NPR3: variants seen among roughly 807,000 people sequenced by gnomAD.
The protein encoded by NPR3 is atrial natriuretic peptide receptor 3.
In NPR3, 34 loss-of-function variants were observed where a neutral mutation model predicts 54.5. The ratio of observed to expected loss-of-function variants is 0.62; its 90% CI spans 0.47 to 0.83. The LOEUF is 0.83. Among genes scored for constraint, NPR3 ranks in the 40% least tolerant of loss-of-function variants. The pLI is 0.00. For synonymous variants in NPR3, 289 were observed against 297.1 expected, an observed-to-expected ratio of 0.97 and a Z score of 0.28; for missense variants, 674 against 720.8, an observed-to-expected ratio of 0.94 and a Z score of 0.74.
chr5:32,768,571 C>T lies in NPR3; in HGVS notation c.1060-6137C>T, dbSNP rs999628579. Reference sequence around the variant, plus strand: ...GAGGTGTGCTTATGCCTCTGGATTCCGTGTGCCAGCTGTGTGACCCTCTGT... The same window carrying T: ...GAGGTGTGCTTATGCCTCTGGATTCTGTGTGCCAGCTGTGTGACCCTCTGT... On this transcript the variant is annotated intron_variant, in intron 3 of 7. Transcript: ENST00000265074. 3.9e-5 allele frequency among the ~76,000 whole-genome samples: 6 copies of T among 152,196 alleles called. No individual in the cohort carries two copies. The East Asian group carries it at 7.7e-4, about 20-fold the overall frequency.
intron 2 of NPR3, among the ~76,000 whole-genome samples, chr5:32,732,282 A>G (rs1206393228): frequency 1.4e-5 from 2 of 141,284 alleles, no homozygotes; most frequent in Non-Finnish European, 3.1e-5. Flanking sequence ...AAAAAAATCC[A>G]TTCTCAAGAT....
chr5:32,774,185 A>G (rs1202074374), intron 3 of NPR3, among the ~76,000 whole-genome samples: 1 of 152,236 alleles, frequency 6.6e-6, no homozygotes, highest in Admixed American at 6.5e-5. Context: ...GCAGACAGGC[A>G]GAAGTTGCAA....
intron 1 of NPR3, among the ~76,000 whole-genome samples, chr5:32,718,012 C>A (rs1044862681): frequency 6.6e-6 from 1 of 152,126 alleles, no homozygotes; most frequent in African/African-American, 2.4e-5. Flanking sequence ...AGTCTTTAAT[C>A]CATCTTGAAT....
rs1051051890 is a variant in NPR3 at position 32,711,540 on chromosome 5, C to G, written c.-237C>G. 1.4e-6 allele frequency: 1 copy of G among 730,168 alleles called. No individual in the cohort carries two copies. The highest frequency in any genetic ancestry group is 2.6e-5 in the African/African-American group (1 of 38,766). 45.2% of individuals were successfully genotyped at this position (730,168 alleles called of 1,614,324 possible). A position where few individuals can be genotyped will look rare whatever the true frequency, so the allele number is the denominator to read the frequency against. On this transcript the variant is annotated 5_prime_UTR_variant, in exon 1 of 8. Transcript: ENST00000265074. ...ATATTACAGACGCACAGGTTTACAC[C>G]CGGTGAACTTTTTCTTTTTCTTTTT...
intron 1 of NPR3, among the ~76,000 whole-genome samples, chr5:32,720,957 A>G (rs968172653): frequency 6.6e-6 from 1 of 152,240 alleles, no homozygotes; most frequent in African/African-American, 2.4e-5. Flanking sequence ...TTGATGAAAC[A>G]TAAGCAGGAA....
intron 3 of NPR3, among the ~76,000 whole-genome samples, chr5:32,749,099 T>C (rs1740444966): frequency 6.6e-6 from 1 of 152,164 alleles, no homozygotes; most frequent in Non-Finnish European, 1.5e-5. Context: ...GTGCATGCTT[T>C]CATCAGTTGT....
At chr5:32,767,398 G>A (rs1199980128) in intron 3 of NPR3, among the ~76,000 whole-genome samples, 2 of 152,176 alleles carry the variant, frequency 1.3e-5, no homozygotes, top group Non-Finnish European at 2.9e-5. Flanking sequence ...GTTTTGTAAG[G>A]TGCAACAGAA....
intron 1 of NPR3, among the ~76,000 whole-genome samples, chr5:32,702,064 C>G (rs1017502311): frequency 1.3e-5 from 2 of 152,112 alleles, no homozygotes; most frequent in Non-Finnish European, 2.9e-5. Flanking sequence ...CCCTGAGGCT[C>G]TACAATTAAC....
At chr5:32,740,435 G>T (rs930023744) in intron 3 of NPR3, among the ~76,000 whole-genome samples, 1 of 152,008 alleles carries the variant, frequency 6.6e-6, no homozygotes, top group Non-Finnish European at 1.5e-5. Context: ...GACATACAAA[G>T]GTTCTTATAA....
chr5:32,742,061 G>A (rs1300190964), intron 3 of NPR3, among the ~76,000 whole-genome samples: 1 of 151,838 alleles, frequency 6.6e-6, no homozygotes, highest in African/African-American at 2.4e-5. Flanking sequence ...GCCTGTAGGA[G>A]TCTGGGGTCT....
intron 2 of NPR3, among the ~76,000 whole-genome samples, chr5:32,734,704 CTG>C (rs1167496684): frequency 3.9e-5 from 6 of 152,248 alleles, no homozygotes; most frequent in African/African-American, 1.2e-4. Context: ...ATGTTCTAGT[CTG>C]TGCAGCCCAA....
At chr5:32,731,168 C>A (rs1175767648) in intron 2 of NPR3, among the ~76,000 whole-genome samples, 4 of 152,224 alleles carry the variant, frequency 2.6e-5, no homozygotes, top group African/African-American at 9.6e-5. Flanking sequence ...GTTTGGACAA[C>A]TTTTTAACAC....
Position 32,780,727 on chromosome 5 carries a change from G to A in NPR3, c.1201G>A (p.Ala401Thr), listed in dbSNP as rs745361797. 28 of 1,500,416 alleles carry A rather than the reference G, an allele frequency of 1.9e-5. No homozygotes were observed. The highest frequency in any genetic ancestry group is 2.3e-5 in the South Asian group (2 of 88,776). The allele number at this position is 1,500,416 out of a possible 1,614,324, so 92.9% of individuals were successfully genotyped here. A position where few individuals can be genotyped will look rare whatever the true frequency, so the allele number is the denominator to read the frequency against. The change falls in exon 5 of 8, where the codon GCC becomes ACC. Residue 401 changes from alanine to threonine, a missense_variant. Ala to Thr is a moderately conservative substitution (Grantham distance 58, BLOSUM62 0). Coordinates refer to ENST00000265074, the MANE Select transcript of NPR3 (RefSeq NM_001204375.2). ...QTWNRTFEGIAGQVSIDANGD... is the reference protein window; with the variant it reads ...QTWNRTFEGITGQVSIDANGD... ...CTTCGCTTCTGGTCCTGTAGGTATCGCCGGGCAGGTGTCCATAGATGCCAA... is the reference window on the plus strand; with the variant it reads ...CTTCGCTTCTGGTCCTGTAGGTATCACCGGGCAGGTGTCCATAGATGCCAA...
chr5:32,720,947 T>C (rs1738825902), intron 1 of NPR3, among the ~76,000 whole-genome samples: 1 of 152,198 alleles, frequency 6.6e-6, no homozygotes, highest in South Asian at 2.1e-4. Context: ...ATTATATAAA[T>C]TGATGAAACA....
At chr5:32,753,177 T>C (rs1244445888) in intron 3 of NPR3, among the ~76,000 whole-genome samples, 1 of 152,016 alleles carries the variant, frequency 6.6e-6, no homozygotes, top group Non-Finnish European at 1.5e-5. Context: ...GTAGTCACTG[T>C]TTTTTTTCCA....
chr5:32,777,451 CT>C (rs1161141245), intron 4 of NPR3, among the ~76,000 whole-genome samples: 9 of 152,170 alleles, frequency 5.9e-5, no homozygotes, highest in Admixed American at 3.9e-4. Context: ...TGTGCTTGCT[CT>C]TCCTCCTTTG....
chr5:32,738,843 A>G, intron 2 of NPR3, 21 bp from the exon 3 acceptor site: 1 of 1,606,834 alleles, frequency 6.2e-7, no homozygotes, highest in Non-Finnish European at 8.5e-7. Context: ...GGAATTATAA[A>G]TATTTTTATT....
At chr5:32,721,386 G>C (rs1322721164) in intron 1 of NPR3, among the ~76,000 whole-genome samples, 2 of 152,236 alleles carry the variant, frequency 1.3e-5, no homozygotes, top group Non-Finnish European at 2.9e-5. Context: ...GGTAGGCTGG[G>C]CGTGGTGGCT....
At chr5:32,744,041 G>A (rs1197903583) in intron 3 of NPR3, among the ~76,000 whole-genome samples, 1 of 140,628 alleles carries the variant, frequency 7.1e-6, no homozygotes, top group East Asian at 2.0e-4. Context: ...TCGCCAGGCT[G>A]GAATGCAGTG....
Sources: gnomAD v4.1 joint callset for allele counts (sites outside exome capture counted in the v4.1 genomes callset) on GRCh38, gnomAD v4.1.1 for gene constraint, MANE v1.5 for transcripts, NCBI Gene and HGNC (gene_info 2026-07-23, HGNC 2026-07-21) for gene names.